TSC1: variants seen among roughly 807,000 people sequenced by gnomAD.
TSC1 encodes TSC complex subunit 1.
TSC1 carries 20 observed loss-of-function variants against 124.3 expected under a neutral mutation model. The observed-to-expected ratio is 0.16, with a 90% CI of 0.11 to 0.23. The LOEUF is 0.23. Among genes scored for constraint, TSC1 ranks in the 10% least tolerant of loss-of-function variants. TSC1 has a pLI of 1.00. For missense variants in TSC1, 1,124 were observed against 1,448.5 expected (o/e 0.78, Z 3.64); for synonymous variants, 493 against 539.1 (o/e 0.91, Z 1.19).
At position 132,893,143 on chromosome 9, in the gene TSC1, A is replaced by G. The variant is rs1844856793; in HGVS notation, c.*3092T>C. The G allele has an allele frequency of 4.3e-6, 1 of 233,254 alleles. No individual in the cohort carries two copies. Among genetic ancestry groups the G allele is most frequent in the East Asian group, 6.0e-5 (1 of 16,592 alleles). The allele number at this position is 233,254 out of a possible 1,614,324, so 14.4% of individuals were successfully genotyped here. On this transcript the variant is annotated 3_prime_UTR_variant, in exon 23 of 23. Coordinates refer to ENST00000298552, the MANE Select transcript of TSC1 (RefSeq NM_000368.5). ...CTCACCTCTCGCCTCTCCACTCTTC[A>G]AGCTTAGTAAGAAGATTCCGCAGCT...
chr9:132,898,038 C>T (rs1845178130), intron 20 of TSC1, among the ~76,000 whole-genome samples: 1 of 151,182 alleles, frequency 6.6e-6, no homozygotes, highest in Non-Finnish European at 1.5e-5. Flanking sequence ...ACTATGCGAA[C>T]ATATACATAT....
At chr9:132,910,417 A>C (rs1845886549) in intron 12 of TSC1, 154 bp downstream of exon 12, 2 of 1,418,282 alleles carry the variant, frequency 1.4e-6, no homozygotes, top group African/African-American at 2.8e-5. Context: ...TCACACCTTG[A>C]GAGCAGCTTG....
In TSC1 at chr9:132,944,373, G is replaced by A. The variant is rs555333167; in HGVS notation, c.-144+170C>T. On this transcript the variant is annotated intron_variant, in intron 1 of 22. Transcript: ENST00000298552. ...CCCGGCCGGGCCAGCCGGAGATAGC[G>A]TGTAATAAGAGGGAGGGGAGAGCTC... Among the ~76,000 whole-genome samples, 179 of 152,276 alleles carry A rather than the reference G, an allele frequency of 1.2e-3. 1 individual carries two copies. The highest frequency in any genetic ancestry group is 4.2e-3 in the African/African-American group (173 of 41,584).
In TSC1 at chr9:132,921,576, G is replaced by A. The variant is rs1193686784; in HGVS notation, c.664-140C>T. The stretch of plus-strand genomic sequence containing the variant: ...GATGGAACCTTGAGAACATTATACT[G>A]AGTGAAAGAAGCCAGTCACAAAAGA... On this transcript the variant is annotated intron_variant, in intron 7 of 22. Transcript: ENST00000298552. This position sits in a 1 kb window ranked among gnomAD's most constrained non-coding sequence, Gnocchi z 4.3. 4 of 1,107,224 alleles carry A rather than the reference G, an allele frequency of 3.6e-6. No individual in the cohort carries two copies. The highest frequency in any genetic ancestry group is 1.3e-5 in the South Asian group (1 of 75,722). The allele number at this position is 1,107,224 out of a possible 1,614,324, so 68.6% of individuals were successfully genotyped here.
At chr9:132,934,242 C>T (rs535522219) in intron 2 of TSC1, among the ~76,000 whole-genome samples, 3 of 152,314 alleles carry the variant, frequency 2.0e-5, no homozygotes, top group South Asian at 4.1e-4. Context: ...AGCTCTGTTG[C>T]GCTTGGCACT....
intron 1 of TSC1, among the ~76,000 whole-genome samples, chr9:132,935,366 C>T (rs1847405551): frequency 6.6e-6 from 1 of 152,232 alleles, no homozygotes; most frequent in African/African-American, 2.4e-5. Context: ...AATGAATGGG[C>T]AGGATAGGCC....
rs1588345450 is a variant in TSC1 at position 132,921,331 on chromosome 9, A to T, written c.737+32T>A. 1 of 1,607,222 alleles carries T rather than the reference A, an allele frequency of 6.2e-7. No homozygotes were observed. The highest frequency in any genetic ancestry group is 8.5e-7 in the Non-Finnish European group (1 of 1,173,912). On this transcript the variant is annotated intron_variant, in intron 8 of 22. Coordinates refer to ENST00000298552, the MANE Select transcript of TSC1 (RefSeq NM_000368.5). This position sits in a 1 kb window ranked among gnomAD's most constrained non-coding sequence, Gnocchi z 4.3. ...GATCACATTTTCAATCTCTCGAAAG[A>T]TTCTTTAAAATTTTGACACTAGTTT... is the stretch of plus-strand genomic sequence containing the variant.
intron 8 of TSC1, among the ~76,000 whole-genome samples, chr9:132,920,772 G>A (rs1321689017): frequency 6.6e-6 from 1 of 152,016 alleles, no homozygotes; most frequent in African/African-American, 2.4e-5. Flanking sequence ...CCACAGCTCA[G>A]TCTGTAAATT....
At position 132,908,901 on chromosome 9, in the gene TSC1, C is replaced by CTTTTTTTT. The variant is rs35234317; in HGVS notation, c.1264-1539_1264-1532dup. ...TTAAAACCCACTAGTCTACCTTGCA[C>CTTTTTTTT]TTTTTTTTTTTTTTTTTGTGACAGT... On this transcript the variant is annotated intron_variant, in intron 12 of 22. Transcript: ENST00000298552. Among the ~76,000 whole-genome samples, 408 of 121,430 alleles carry CTTTTTTTT rather than the reference C, an allele frequency of 3.4e-3. 29 individuals are homozygous for CTTTTTTTT. Among genetic ancestry groups the CTTTTTTTT allele is most frequent in the African/African-American group, 0.011 (330 of 30,086 alleles). The allele number at this position is 121,430 out of a possible 152,430, so 79.7% of individuals were successfully genotyped here.
In TSC1 at chr9:132,903,609, A is replaced by G; in HGVS notation, c.2208+42T>C. 6.2e-7 allele frequency: 1 copy of G among 1,611,616 alleles called. No homozygotes were observed. Among genetic ancestry groups the G allele is most frequent in the Middle Eastern group, 2.3e-4 (1 of 4,436 alleles). On this transcript the variant is annotated intron_variant, in intron 17 of 22. Coordinates refer to ENST00000298552, the MANE Select transcript of TSC1 (RefSeq NM_000368.5). This position sits in a 1 kb window ranked among gnomAD's most constrained non-coding sequence, Gnocchi z 5.9. ...TAAGCTATCATGCTGACCCAAAACA[A>G]AACAAAAAGCAAGCTCCACCTGTCC...
At chr9:132,940,415 T>C (rs779948097) in intron 1 of TSC1, among the ~76,000 whole-genome samples, 2 of 152,012 alleles carry the variant, frequency 1.3e-5, no homozygotes, top group Non-Finnish European at 2.9e-5. Flanking sequence ...AGAAGAGAAA[T>C]TTGGTCCATA....
At chr9:132,944,321 G>T (rs1409667704) in intron 1 of TSC1, among the ~76,000 whole-genome samples, 1 of 152,010 alleles carries the variant, frequency 6.6e-6, no homozygotes, top group African/African-American at 2.4e-5. Context: ...CGTCCGGCTC[G>T]CCTCTCCTCC....
intron 2 of TSC1, among the ~76,000 whole-genome samples, 163 bp downstream of exon 2, chr9:132,934,870 G>A (rs146562526): frequency 6.6e-6 from 1 of 152,366 alleles, no homozygotes; most frequent in Non-Finnish European, 1.5e-5. Context: ...CTGAATACAA[G>A]CAACTAATAA....
At chr9:132,904,081 C>T (rs750548813) in intron 16 of TSC1, among the ~76,000 whole-genome samples, 1 of 152,148 alleles carries the variant, frequency 6.6e-6, no homozygotes, top group Non-Finnish European at 1.5e-5. Flanking sequence ...ATCTAGATCA[C>T]GCATTTCAGA....
chr9:132,901,286 T>C (rs900079672), intron 19 of TSC1, among the ~76,000 whole-genome samples: 6 of 152,326 alleles, frequency 3.9e-5, no homozygotes, highest in African/African-American at 1.4e-4. Flanking sequence ...AAGAGTTCCA[T>C]GGGATACACA....
rs768493594 is a variant in TSC1, at chr9:132,902,805, TGTC to T, written c.2209-21_2209-19del. 1 of 1,612,806 alleles carries T rather than the reference TGTC, an allele frequency of 6.2e-7. No individual in the cohort carries two copies. Among genetic ancestry groups the T allele is most frequent in the Admixed American group, 1.7e-5 (1 of 60,028 alleles). ...TGATCTTTCTAGCAGAGACCAGAAA[TGTC>T]ATCATTTTAGCTGTCTTCCAACACA... On this transcript the variant is annotated intron_variant, in intron 17 of 22. Transcript: ENST00000298552. The surrounding 1 kb of genome is among the most constrained non-coding windows in gnomAD (Gnocchi z 5.2).
At position 132,897,296 on chromosome 9, in the gene TSC1, T is replaced by C; in HGVS notation, c.2863A>G (p.Thr955Ala). The C allele has an allele frequency of 6.2e-7, 1 of 1,614,222 alleles. No homozygotes were observed. The highest frequency in any genetic ancestry group is 8.5e-7 in the Non-Finnish European group (1 of 1,180,050). Reference protein sequence around the residue: ...ESRYEAQKRITQVFELEILDL... With the variant: ...ESRYEAQKRIAQVFELEILDL... The stretch of plus-strand genomic sequence containing the variant: ...AAGATCTCCAATTCAAACACCTGGG[T>C]TATCCTTTTCTGAGCCTCATACCTG... The change falls in exon 22 of 23, where the codon ACC becomes GCC. Residue 955 changes from threonine to alanine, a missense_variant. Transcript: ENST00000298552.
Position 132,902,674 on chromosome 9 carries a change from C to T in TSC1, c.2322G>A (p.Lys774=), listed in dbSNP as rs772038670. ...LQEQRDTMVT[K]LHSQIRQLQH... is the part of the protein sequence containing the mutation. ...GCAGCTGTCTGATCTGGCTGTGGAG[C>T]TTGGTTACCATAGTGTCACGCTGCT... Residue 774 remains lysine (K), a synonymous_variant, in exon 18 of 23, where the codon AAG becomes AAA. Transcript: ENST00000298552. The surrounding 1 kb of genome is among the most constrained non-coding windows in gnomAD (Gnocchi z 5.2). 47 of 1,614,058 alleles carry T rather than the reference C, an allele frequency of 2.9e-5. No individual in the cohort carries two copies. The highest frequency in any genetic ancestry group is 3.6e-5 in the Non-Finnish European group (43 of 1,180,044).
Position 132,906,497 on chromosome 9 carries a change from C to T in TSC1, c.1438+234G>A. 1 of 536,184 alleles carries T rather than the reference C, an allele frequency of 1.9e-6. No individual in the cohort carries two copies. Among genetic ancestry groups the T allele is most frequent in the Non-Finnish European group, 3.3e-6 (1 of 301,730 alleles). 33.2% of individuals were successfully genotyped at this position (536,184 alleles called of 1,614,324 possible). A position where few individuals can be genotyped will look rare whatever the true frequency, so the allele number is the denominator to read the frequency against. ...CTGGGAGGTCAAGGCTGCAGTGAGCCATGATCGTACCACTGCACTCCAGCC... is the reference window on the plus strand; with the variant it reads ...CTGGGAGGTCAAGGCTGCAGTGAGCTATGATCGTACCACTGCACTCCAGCC... On this transcript the variant is annotated intron_variant, in intron 14 of 22. Transcript: ENST00000298552. The surrounding 1 kb of genome is among the most constrained non-coding windows in gnomAD (Gnocchi z 4.1).
Sources: allele counts gnomAD v4.1 joint callset (sites outside exome capture counted in the v4.1 genomes callset), GRCh38; gene constraint gnomAD v4.1.1; non-coding constraint Gnocchi (gnomAD v3.1); transcripts MANE v1.5; gene names NCBI Gene and HGNC (gene_info 2026-07-23, HGNC 2026-07-21).